Variants in TNR observed in about 807,000 individuals in gnomAD.
The protein encoded by TNR is tenascin R, also known as tenascin-R.
Under a neutral mutation model 150.4 loss-of-function variants are expected in TNR, and 45 were observed. The ratio of observed to expected loss-of-function variants is 0.30; its 90% CI spans 0.24 to 0.38. The LOEUF (loss-of-function observed/expected upper bound fraction) is 0.38. Among genes scored for constraint, TNR ranks in the 10% least tolerant of loss-of-function variants. The pLI, the probability that TNR is intolerant of heterozygous loss-of-function variation, is 1.00. For missense variants in TNR, 1,544 were observed against 1,759.1 expected, an observed-to-expected ratio of 0.88 and a Z score of 2.19; for synonymous variants, 687 against 678.4, an observed-to-expected ratio of 1.01 and a Z score of -0.20.
chr1:175,344,742 C>G (rs1354377512), intron 18 of TNR, among the ~76,000 whole-genome samples: 1 of 152,062 alleles, frequency 6.6e-6, no homozygotes, highest in Non-Finnish European at 1.5e-5. Flanking sequence ...ATTTCCAGGC[C>G]TAGGTATCTT....
intron 2 of TNR, among the ~76,000 whole-genome samples, chr1:175,484,307 T>C (rs1657923683): frequency 6.6e-6 from 1 of 152,130 alleles, no homozygotes; most frequent in South Asian, 2.1e-4. Flanking sequence ...ATCCTCTTCC[T>C]CCTTTTCTGT....
At chr1:175,490,423 G>A (rs950110921) in intron 2 of TNR, among the ~76,000 whole-genome samples, 4 of 152,078 alleles carry the variant, frequency 2.6e-5, no homozygotes, top group East Asian at 1.9e-4. Context: ...AACTATCAAC[G>A]GAGTGAACAG....
intron 15 of TNR, among the ~76,000 whole-genome samples, chr1:175,357,450 T>A (rs1314195910): frequency 6.6e-6 from 1 of 152,210 alleles, no homozygotes; most frequent in Non-Finnish European, 1.5e-5. Context: ...ACAAACAAGT[T>A]AAAATTCAAA....
chr1:175,534,917 G>GT (rs1660211175), intron 1 of TNR, among the ~76,000 whole-genome samples: 1 of 152,182 alleles, frequency 6.6e-6, no homozygotes, highest in African/African-American at 2.4e-5. Context: ...AGATTTGATG[G>GT]TTTTATAAGG....
At chr1:175,614,732 T>C (rs74127359) in intron 1 of TNR, among the ~76,000 whole-genome samples, 4,164 of 152,246 alleles carry the variant, frequency 0.027, 195 homozygotes, top group African/African-American at 0.094. Context: ...CACTCCTCCT[T>C]GGTATTTACA....
chr1:175,400,532 A>G (rs1653659713), intron 4 of TNR, among the ~76,000 whole-genome samples: 4 of 152,204 alleles, frequency 2.6e-5, no homozygotes, highest in Admixed American at 2.6e-4. Context: ...CACTATGAGG[A>G]TAGATCAAGG....
intron 1 of TNR, among the ~76,000 whole-genome samples, chr1:175,580,995 A>T (rs1289206398): frequency 2.0e-5 from 3 of 152,266 alleles, no homozygotes; most frequent in Non-Finnish European, 2.9e-5. Context: ...TATGACTGAC[A>T]GCAAGTCAAT....
intron 1 of TNR, among the ~76,000 whole-genome samples, chr1:175,584,165 T>C (rs1356845935): frequency 6.6e-6 from 1 of 152,180 alleles, no homozygotes; most frequent in East Asian, 1.9e-4. Context: ...TTAACAGAGG[T>C]AACCCAATTA....
chr1:175,630,453 G>T (rs1380216731), intron 1 of TNR, among the ~76,000 whole-genome samples: 2 of 152,224 alleles, frequency 1.3e-5, no homozygotes, highest in East Asian at 3.8e-4. Context: ...TGATTAAGCA[G>T]CCGCCATGTA....
At chr1:175,485,170 C>G (rs1025548092) in intron 2 of TNR, among the ~76,000 whole-genome samples, 2 of 152,156 alleles carry the variant, frequency 1.3e-5, no homozygotes, top group African/African-American at 2.4e-5. Flanking sequence ...GCATTTCAGT[C>G]TCCAAGTGTC....
Position 175,726,317 on chromosome 1 carries a change from C to A in TNR, c.-165+16909G>T, listed in dbSNP as rs994568681. Among the ~76,000 whole-genome samples, 11 of 152,304 alleles carry A rather than the reference C, an allele frequency of 7.2e-5. No individual in the cohort carries two copies. The South Asian group carries it at 1.0e-3, about 14-fold the overall frequency. On this transcript the variant is annotated intron_variant, in intron 1 of 22. Transcript: ENST00000367674. ...TAGAAGACCAGGAAATGATGAGCAGCAATATATTTGGTGGGATCTTTGGAG... is the reference window on the plus strand; with the variant it reads ...TAGAAGACCAGGAAATGATGAGCAGAAATATATTTGGTGGGATCTTTGGAG...
At chr1:175,405,614 TGA>T (rs1386072284) in intron 3 of TNR, among the ~76,000 whole-genome samples, 1 of 59,238 alleles carries the variant, frequency 1.7e-5, no homozygotes, top group Non-Finnish European at 3.3e-5. Context: ...TATGTGTGTG[TGA>T]GAGTGTGTGT....
At chr1:175,728,884 AAGGAACAGAAG>A (rs1228882048) in intron 1 of TNR, among the ~76,000 whole-genome samples, 2 of 152,210 alleles carry the variant, frequency 1.3e-5, no homozygotes, top group African/African-American at 4.8e-5. Flanking sequence ...CCTCCTACTT[AAGGAACAGAAG>A]AGGTAAGAGA....
rs74127312 is a variant in TNR at position 175,487,849 on chromosome 1, C to T, written c.-64+40420G>A. Among the ~76,000 whole-genome samples, 534 of 152,262 alleles carry T rather than the reference C, an allele frequency of 3.5e-3. 1 individual carries two copies. Among genetic ancestry groups the T allele is most frequent in the African/African-American group, 0.012 (512 of 41,534 alleles). The stretch of plus-strand genomic sequence containing the variant: ...TGTTATTTTAGTTATTATTCTTAAT[C>T]TTATTTCTCCTGATCACTTATCAGG... On this transcript the variant is annotated intron_variant, in intron 2 of 22. Transcript: ENST00000367674.
chr1:175,620,519 C>T (rs894811985), intron 1 of TNR, among the ~76,000 whole-genome samples: 2 of 152,202 alleles, frequency 1.3e-5, no homozygotes, highest in Non-Finnish European at 2.9e-5. Context: ...TCCATCCCTT[C>T]GCCCACCTCC....
chr1:175,439,653 T>C lies in TNR; in HGVS notation c.-63-32876A>G, dbSNP rs376996926. ...TGACAAAGGACTAATATCCAGAATC[T>C]ACAAGGAACTTAAACAAATTTACAA... On this transcript the variant is annotated intron_variant, in intron 2 of 22. Transcript: ENST00000367674. Among the ~76,000 whole-genome samples, 6 of 152,294 alleles carry C rather than the reference T, an allele frequency of 3.9e-5. No individual in the cohort carries two copies. The East Asian group carries it at 1.2e-3, about 29-fold the overall frequency.
Position 175,481,127 on chromosome 1 carries a change from TG to T in TNR, c.-64+47141del, listed in dbSNP as rs1164874568. Among the ~76,000 whole-genome samples the T allele has an allele frequency of 2.6e-5, 4 of 151,966 alleles. No individual in the cohort carries two copies. The East Asian group carries it at 7.7e-4, about 29-fold the overall frequency. ...GTCTGGACCAGCGAGAGAGAAAATG[TG>T]GGGTTAGGGAAAGGTGATTGGGGCA... On this transcript the variant is annotated intron_variant, in intron 2 of 22. Transcript: ENST00000367674.
At chr1:175,723,215 C>A (rs548408669) in intron 1 of TNR, among the ~76,000 whole-genome samples, 1 of 152,324 alleles carries the variant, frequency 6.6e-6, no homozygotes, top group South Asian at 2.1e-4. Flanking sequence ...TTCTTCATCA[C>A]CTTTCTTATT....
intron 1 of TNR, among the ~76,000 whole-genome samples, chr1:175,619,789 CT>C (rs1663910494): frequency 6.6e-6 from 1 of 152,188 alleles, no homozygotes; most frequent in Non-Finnish European, 1.5e-5. Context: ...TATTTTCCTG[CT>C]TTTCCCCAGA....
Sources: allele counts gnomAD v4.1 joint callset (sites outside exome capture counted in the v4.1 genomes callset), GRCh38; gene constraint gnomAD v4.1.1; transcripts MANE v1.5; gene names NCBI Gene and HGNC (gene_info 2026-07-23, HGNC 2026-07-21).